Variants in SHB observed in about 807,000 individuals in gnomAD.
SHB encodes SH2 domain-containing adapter protein B.
Under a neutral mutation model 52.3 loss-of-function variants are expected in SHB, and 20 were observed. The ratio of observed to expected loss-of-function variants is 0.38; its 90% CI spans 0.27 to 0.56. The LOEUF is 0.56. Ranked by LOEUF, SHB falls within the 20% of genes least tolerant of loss-of-function variation. The pLI is 0.71. For missense variants in SHB, 825 were observed against 723.3 expected (o/e 1.14, Z -1.61); for synonymous variants, 397 against 316.5 (o/e 1.25, Z -2.70).
intron 3 of SHB, among the ~76,000 whole-genome samples, chr9:37,972,192 T>C (rs1587220921): frequency 6.6e-6 from 1 of 152,186 alleles, no homozygotes; most frequent in Non-Finnish European, 1.5e-5. Context: ...CCTCGGTGTC[T>C]GGGAAAGTTG....
rs115862005 is a variant in SHB at position 37,995,618 on chromosome 9, G to A, written c.838+20393C>T. 1.3e-3 allele frequency among the ~76,000 whole-genome samples: 200 copies of A among 152,288 alleles called. 1 individual carries two copies. Among genetic ancestry groups the A allele is most frequent in the African/African-American group, 4.6e-3 (192 of 41,562 alleles). On this transcript the variant is annotated intron_variant, in intron 2 of 5. Transcript: ENST00000377707. ...CTCTCATTCCTCCTCCACTAGCGGG[G>A]AGCCTCCTTCCTAGCTTGCTTTCCT...
At position 37,948,754 on chromosome 9, in the gene SHB, T is replaced by G. The variant is rs1413353768; in HGVS notation, c.1227A>C (p.Ile409=). ...VDPAVPLEKQ[I]WYHGAISRGD... is the part of the protein sequence containing the mutation. The stretch of plus-strand genomic sequence containing the variant: ...CTCTGCTGATGGCTCCGTGATACCA[T>G]CTGTGGAGAGGGCAGAGAGTGGTCA... Residue 409 remains isoleucine (I), a splice_region_variant and synonymous_variant, in exon 5 of 6, where the codon ATA becomes ATC. Coordinates refer to ENST00000377707, the MANE Select transcript of SHB (RefSeq NM_003028.3). The G allele has an allele frequency of 1.2e-6, 2 of 1,613,538 alleles. No individual in the cohort carries two copies. The highest frequency in any genetic ancestry group is 1.1e-5 in the South Asian group (1 of 91,084).
Position 37,947,809 on chromosome 9 carries a change from G to C in SHB, c.1346+826C>G, listed in dbSNP as rs145532465. Among the ~76,000 whole-genome samples the C allele has an allele frequency of 4.2e-3, 643 of 152,352 alleles. 4 individuals carry two copies. The highest frequency in any genetic ancestry group is 0.014 in the Middle Eastern group (4 of 294). On this transcript the variant is annotated intron_variant, in intron 5 of 5. Transcript: ENST00000377707. ...GGTAAGTGGGACAGAGAGGATGCCA[G>C]GCAGAGGGATTCACTGCTTCTGGGG...
rs1393825016 is a variant in SHB, at chr9:37,946,894, G to A, written c.1346+1741C>T. 3.3e-5 allele frequency among the ~76,000 whole-genome samples: 5 copies of A among 152,196 alleles called. No individual in the cohort carries two copies. The East Asian group carries it at 7.7e-4, about 23-fold the overall frequency. Reference sequence around the variant, plus strand: ...GCACTGAGGAAGCCCAGTATGCAGGGAAGGCTGGTGACACTTGAGTCCTGT... The same window carrying A: ...GCACTGAGGAAGCCCAGTATGCAGGAAAGGCTGGTGACACTTGAGTCCTGT... On this transcript the variant is annotated intron_variant, in intron 5 of 5. Transcript: ENST00000377707.
At chr9:38,047,283 T>C (rs1418289920) in intron 1 of SHB, among the ~76,000 whole-genome samples, 1 of 152,226 alleles carries the variant, frequency 6.6e-6, no homozygotes, top group African/African-American at 2.4e-5. Flanking sequence ...GAGATGTACC[T>C]GAAGCACCCA....
chr9:38,016,355 A>G (rs556969551), intron 1 of SHB, among the ~76,000 whole-genome samples: 11 of 152,254 alleles, frequency 7.2e-5, no homozygotes, highest in Non-Finnish European at 1.2e-4. Flanking sequence ...GAGCTCGTGC[A>G]TGCCTGGCTG....
At position 38,068,126 on chromosome 9, in the gene SHB, C is replaced by G; in HGVS notation, c.520G>C (p.Ala174Pro). The change falls in exon 1 of 6, where the codon GCC becomes CCC. Residue 174 changes from alanine (A) to proline (P), a missense_variant. Coordinates refer to ENST00000377707, the MANE Select transcript of SHB (RefSeq NM_003028.3). ...TTGGGGGAGATGTAGCGCACCTCGG[C>G]CGGCGTGGCGGGCCGCCGCTCGCTG... ...SSSERRPATP[A>P]EVRYISPKHR... 1 of 1,459,690 alleles carries G rather than the reference C, an allele frequency of 6.9e-7. No homozygotes were observed. Among genetic ancestry groups the G allele is most frequent in the Non-Finnish European group, 8.9e-7 (1 of 1,118,542 alleles). The allele number at this position is 1,459,690 out of a possible 1,614,324, so 90.4% of individuals were successfully genotyped here. A position where few individuals can be genotyped will look rare whatever the true frequency, so the allele number is the denominator to read the frequency against.
intron 1 of SHB, among the ~76,000 whole-genome samples, chr9:38,050,404 G>C (rs1821724249): frequency 6.6e-6 from 1 of 152,194 alleles, no homozygotes; most frequent in Non-Finnish European, 1.5e-5. Context: ...GGTTACCTTA[G>C]ATTTCACATT....
At chr9:37,985,065 T>C (rs1820787832) in intron 2 of SHB, among the ~76,000 whole-genome samples, 1 of 152,116 alleles carries the variant, frequency 6.6e-6, no homozygotes, top group Admixed American at 6.5e-5. Context: ...AGTTCTTCTG[T>C]CATCTCTTTT....
chr9:38,043,740 C>T (rs551890554), intron 1 of SHB, among the ~76,000 whole-genome samples: 1 of 152,146 alleles, frequency 6.6e-6, no homozygotes, highest in South Asian at 2.1e-4. Context: ...AAATACAAAA[C>T]TAGCTGGGTG....
In SHB at chr9:37,955,989, G is replaced by A. The variant is rs756467357; in HGVS notation, c.1120C>T (p.Leu374Phe). 1.9e-6 allele frequency: 3 copies of A among 1,599,422 alleles called. No homozygotes were observed. Among genetic ancestry groups the A allele is most frequent in the Non-Finnish European group, 2.6e-6 (3 of 1,173,898 alleles). ...TTAAAGCCCCCTCCAGGGGCACGAA[G>A]CTGGCGCCGCCGGTCCCGCGAAGGT... ...PSPSRDRRRQ[L>F]RAPGGGFKPI... The change falls in exon 4 of 6, where the codon CTT (leucine) becomes TTT (phenylalanine). Residue 374 changes from leucine (L) to phenylalanine (F), a missense_variant. Transcript: ENST00000377707.
At position 38,068,268 on chromosome 9, in the gene SHB, G is replaced by A. The variant is rs1822001512; in HGVS notation, c.378C>T (p.Arg126=). The A allele has an allele frequency of 6.8e-7, 1 of 1,460,868 alleles. No individual in the cohort carries two copies. The highest frequency in any genetic ancestry group is 9.0e-7 in the Non-Finnish European group (1 of 1,114,348). 90.5% of individuals were successfully genotyped at this position (1,460,868 alleles called of 1,614,324 possible). Residue 126 remains arginine (R), a synonymous_variant, in exon 1 of 6, where the codon CGC becomes CGT. Transcript: ENST00000377707. ...GGSGEPGGVQ[R]AFSASSASGA... ...CCGACGCGGACGAGGCCGAGAAGGC[G>A]CGCTGGACCCCGCCTGGCTCCCCGC...
intron 3 of SHB, among the ~76,000 whole-genome samples, chr9:37,966,506 C>T (rs530059304): frequency 4.1e-4 from 63 of 152,274 alleles, no homozygotes; most frequent in African/African-American, 8.2e-4. Context: ...AAGTGATCCC[C>T]GTTCTCTCAC....
At chr9:38,039,757 C>G (rs1008587045) in intron 1 of SHB, among the ~76,000 whole-genome samples, 18 of 152,266 alleles carry the variant, frequency 1.2e-4, no homozygotes, top group African/African-American at 4.3e-4. Flanking sequence ...CCAGGCCAGG[C>G]TGGCCGGGCC....
intron 1 of SHB, among the ~76,000 whole-genome samples, chr9:38,062,091 G>C (rs552993986): frequency 2.6e-5 from 4 of 152,324 alleles, no homozygotes; most frequent in African/African-American, 9.6e-5. Context: ...GATGCAAGAA[G>C]AGTAGCATTA....
At chr9:37,989,656 G>A (rs1339179238) in intron 2 of SHB, among the ~76,000 whole-genome samples, 1 of 152,228 alleles carries the variant, frequency 6.6e-6, no homozygotes, top group Non-Finnish European at 1.5e-5. Flanking sequence ...CAAAGTCACA[G>A]AGTGAGCGGT....
At chr9:38,045,564 T>C (rs1172581348) in intron 1 of SHB, among the ~76,000 whole-genome samples, 6 of 152,030 alleles carry the variant, frequency 3.9e-5, no homozygotes, top group Admixed American at 2.6e-4. Context: ...TGAGCCGGGA[T>C]TGTGCCACTG....
chr9:38,016,219 A>G, intron 1 of SHB, 88 bp from the exon 2 acceptor site: 1 of 1,439,750 alleles, frequency 6.9e-7, no homozygotes, highest in Non-Finnish European at 9.5e-7. Flanking sequence ...CCTCAGCTAG[A>G]TGAGCAAGGA....
At chr9:38,061,034 C>T (rs549092188) in intron 1 of SHB, among the ~76,000 whole-genome samples, 10 of 152,248 alleles carry the variant, frequency 6.6e-5, no homozygotes, top group African/African-American at 1.7e-4. Flanking sequence ...CTTTGTCCTG[C>T]GGAAAATGCA....
Sources: allele counts gnomAD v4.1 joint callset (sites outside exome capture counted in the v4.1 genomes callset), GRCh38; gene constraint gnomAD v4.1.1; transcripts MANE v1.5; gene names NCBI Gene and HGNC (gene_info 2026-07-23, HGNC 2026-07-21).